PARD3B: variants seen among roughly 807,000 people sequenced by gnomAD.
PARD3B encodes the protein par-3 family cell polarity regulator beta, also known as partitioning defective 3 homolog B.
PARD3B carries 103 observed loss-of-function variants against 130.2 expected under a neutral mutation model. That is an observed-to-expected ratio of 0.79 (90% confidence interval 0.67 to 0.93). PARD3B has a LOEUF of 0.93. PARD3B is among the 40% of genes least tolerant of loss of function. The pLI is 0.00. For missense variants in PARD3B, 1,609 were observed against 1,499.2 expected (o/e 1.07, Z -1.21); for synonymous variants, 583 against 553.2 (o/e 1.05, Z -0.76).
chr2:205,110,003 G>A (rs1703512581), intron 5 of PARD3B, among the ~76,000 whole-genome samples: 1 of 151,978 alleles, frequency 6.6e-6, no homozygotes. Context: ...GGAAACTGAG[G>A]CACCAGGTCT....
chr2:204,722,294 T>G (rs1236941764), intron 2 of PARD3B, among the ~76,000 whole-genome samples: 1 of 152,194 alleles, frequency 6.6e-6, no homozygotes, highest in Non-Finnish European at 1.5e-5. Flanking sequence ...TAGAATTTGT[T>G]TTGACTTTCT....
chr2:205,576,134 A>G (rs1269875976), intron 22 of PARD3B, among the ~76,000 whole-genome samples: 2 of 152,216 alleles, frequency 1.3e-5, no homozygotes, highest in East Asian at 3.9e-4. Flanking sequence ...TATGATGCAG[A>G]GTATCTTTTC....
At chr2:205,466,888 T>C (rs1268236753) in intron 20 of PARD3B, among the ~76,000 whole-genome samples, 1 of 152,148 alleles carries the variant, frequency 6.6e-6, no homozygotes, top group Non-Finnish European at 1.5e-5. Context: ...AATTTTTGTG[T>C]TTTTAGTAGA....
At chr2:205,186,876 G>GA (rs2036132455) in intron 14 of PARD3B, among the ~76,000 whole-genome samples, 1 of 152,126 alleles carries the variant, frequency 6.6e-6, no homozygotes, top group African/African-American at 2.4e-5. Flanking sequence ...ATTCTGAATT[G>GA]AAAATGACAA....
intron 19 of PARD3B, among the ~76,000 whole-genome samples, chr2:205,413,800 G>A (rs2046680608): frequency 1.3e-5 from 2 of 152,296 alleles, no homozygotes; most frequent in Middle Eastern, 3.4e-3. Context: ...TGAAAATGCT[G>A]TGGGCCCAGA....
chr2:205,246,834 T>G (rs1367172562), intron 16 of PARD3B, among the ~76,000 whole-genome samples: 1 of 152,190 alleles, frequency 6.6e-6, no homozygotes, highest in Non-Finnish European at 1.5e-5. Flanking sequence ...TCTTAGATTT[T>G]TTTTTCTTGC....
intron 2 of PARD3B, among the ~76,000 whole-genome samples, chr2:204,963,705 T>C (rs1030218410): frequency 9.2e-5 from 14 of 152,222 alleles, no homozygotes; most frequent in Admixed American, 7.2e-4. Context: ...GATTTTTTTA[T>C]ACTAGAATAA....
At chr2:204,600,152 G>T (rs1379758863) in intron 1 of PARD3B, among the ~76,000 whole-genome samples, 1 of 151,336 alleles carries the variant, frequency 6.6e-6, no homozygotes, top group African/African-American at 2.4e-5. Flanking sequence ...TGTTTCCTTT[G>T]CTGTGCAGAA....
intron 2 of PARD3B, among the ~76,000 whole-genome samples, chr2:204,807,105 T>C (rs545492219): frequency 6.6e-6 from 1 of 152,198 alleles, no homozygotes; most frequent in Admixed American, 6.5e-5. Flanking sequence ...TATAAAACCA[T>C]CAGATCTTGT....
intron 2 of PARD3B, among the ~76,000 whole-genome samples, chr2:204,773,779 C>A (rs1316372795): frequency 6.6e-6 from 1 of 152,062 alleles, no homozygotes; most frequent in Non-Finnish European, 1.5e-5. Context: ...GATCTCCTTT[C>A]ACCCTGACTT....
intron 22 of PARD3B, among the ~76,000 whole-genome samples, chr2:205,578,021 C>T (rs148127518): frequency 6.2e-4 from 94 of 152,280 alleles, no homozygotes; most frequent in Middle Eastern, 3.4e-3. Flanking sequence ...ATATGGAGCT[C>T]GCCTCACTGG....
chr2:204,836,941 C>G (rs1389690395), intron 2 of PARD3B, among the ~76,000 whole-genome samples: 1 of 152,026 alleles, frequency 6.6e-6, no homozygotes, highest in Non-Finnish European at 1.5e-5. Context: ...CTATATAGAA[C>G]TAAAAACACT....
In PARD3B at chr2:205,178,885, T is replaced by G. The variant is rs995442686; in HGVS notation, c.1924+2308T>G. Among the ~76,000 whole-genome samples, 8 of 152,336 alleles carry G rather than the reference T, an allele frequency of 5.3e-5. No individual in the cohort carries two copies. The East Asian group carries it at 1.4e-3, about 26-fold the overall frequency. ...CTATACTATAATTTTTATCATCATT[T>G]TAGAGTACACTTCTACTTATTTTTT... On this transcript the variant is annotated intron_variant, in intron 13 of 22. Coordinates refer to ENST00000406610, the MANE Select transcript of PARD3B (RefSeq NM_001302769.2).
chr2:205,409,701 A>C, intron 19 of PARD3B, among the ~76,000 whole-genome samples: 1 of 152,190 alleles, frequency 6.6e-6, no homozygotes, highest in East Asian at 1.9e-4. Context: ...GCAAACTTCT[A>C]TGAAGTACAC....
chr2:205,595,791 T>C (rs2054548244), intron 22 of PARD3B, among the ~76,000 whole-genome samples: 1 of 152,202 alleles, frequency 6.6e-6, no homozygotes, highest in Admixed American at 6.5e-5. Flanking sequence ...CTTGTCTTGC[T>C]CTCTCTTTTC....
intron 2 of PARD3B, among the ~76,000 whole-genome samples, chr2:204,715,092 CTGTT>C (rs1213530819): frequency 6.6e-6 from 1 of 152,068 alleles, no homozygotes; most frequent in East Asian, 1.9e-4. Context: ...CTCTATGAAA[CTGTT>C]TGTATTGAGG....
intron 15 of PARD3B, among the ~76,000 whole-genome samples, chr2:205,195,659 CA>C (rs1559531282): frequency 6.6e-6 from 1 of 152,218 alleles, no homozygotes; most frequent in South Asian, 2.1e-4. Context: ...TTTATTTGCT[CA>C]AAAAGTAGGT....
chr2:204,773,489 A>G (rs1574948450), intron 2 of PARD3B, among the ~76,000 whole-genome samples: 2 of 151,994 alleles, frequency 1.3e-5, no homozygotes, highest in South Asian at 2.1e-4. Flanking sequence ...TTCAATGGGA[A>G]TAGTCATAAA....
intron 2 of PARD3B, among the ~76,000 whole-genome samples, chr2:204,823,687 C>T (rs1299784004): frequency 1.3e-5 from 2 of 152,214 alleles, no homozygotes; most frequent in Admixed American, 6.5e-5. Flanking sequence ...AGCCTGTAAT[C>T]CCAGCACTTT....
Sources: allele counts gnomAD v4.1 joint callset (sites outside exome capture counted in the v4.1 genomes callset), GRCh38; gene constraint gnomAD v4.1.1; transcripts MANE v1.5; gene names NCBI Gene and HGNC (gene_info 2026-07-23, HGNC 2026-07-21).